RUBCNL: variants seen among roughly 807,000 people sequenced by gnomAD.
RUBCNL encodes rubicon like autophagy enhancer.
RUBCNL carries 62 observed loss-of-function variants against 69.5 expected under a neutral mutation model. That is an observed-to-expected ratio of 0.89 (90% confidence interval 0.73 to 1.10). The LOEUF (loss-of-function observed/expected upper bound fraction) is 1.10. Ranked by LOEUF, RUBCNL falls within the 50% of genes least tolerant of loss-of-function variation. The pLI is 0.00. For missense variants in RUBCNL, 768 were observed against 798.1 expected, an observed-to-expected ratio of 0.96 and a Z score of 0.45; for synonymous variants, 291 against 303.6, an observed-to-expected ratio of 0.96 and a Z score of 0.43.
intron 1 of RUBCNL, among the ~76,000 whole-genome samples, chr13:46,382,174 A>T (rs896595872): frequency 2.0e-5 from 3 of 152,124 alleles, no homozygotes; most frequent in Non-Finnish European, 4.4e-5. Context: ...AGTATTTTTT[A>T]AAAAATAAGA....
rs2048124156 is a variant in RUBCNL at position 46,339,241 on chromosome 13, G to A, written c.*4144C>T. On this transcript the variant is annotated 3_prime_UTR_variant, in exon 15 of 15. Coordinates refer to ENST00000429979, the MANE Select transcript of RUBCNL (RefSeq NM_025113.5). ...TGCTACCTCAGCATTACTCATAAAA[G>A]TATTGTTTTAGTTTCTAGTGAAGTG... 6.6e-6 allele frequency among the ~76,000 whole-genome samples: 1 copy of A among 152,100 alleles called. No individual in the cohort carries two copies. The highest frequency in any genetic ancestry group is 6.5e-5 in the Admixed American group (1 of 15,278).
intron 2 of RUBCNL, among the ~76,000 whole-genome samples, chr13:46,375,233 G>A (rs1029819350): frequency 6.6e-6 from 1 of 152,052 alleles, no homozygotes; most frequent in Non-Finnish European, 1.5e-5. Context: ...TGGAGACAAA[G>A]TTAAGAGCTA....
chr13:46,349,401 A>G, intron 11 of RUBCNL, 54 bp from the exon 12 acceptor site: 2 of 1,490,800 alleles, frequency 1.3e-6, no homozygotes, highest in Non-Finnish European at 1.9e-6. Context: ...ATGACACGGG[A>G]AAAGTGCAAG....
Position 46,372,599 on chromosome 13 carries a change from T to G in RUBCNL, c.-122-2A>C. 1 of 1,446,262 alleles carries G rather than the reference T, an allele frequency of 6.9e-7. No homozygotes were observed. The highest frequency in any genetic ancestry group is 9.1e-7 in the Non-Finnish European group (1 of 1,101,472). 89.6% of individuals were successfully genotyped at this position (1,446,262 alleles called of 1,614,324 possible). ...CAGCTGGGGGTCTGGAGAGCTATTC[T>G]GCAATGAGCAAGGAATCATTCAAAA... is the stretch of plus-strand genomic sequence containing the variant. On this transcript the variant is annotated splice_acceptor_variant, in intron 2 of 14. Transcript: ENST00000429979. LOFTEE classifies it low-confidence loss of function (5UTR_SPLICE).
Position 46,336,085 on chromosome 13 carries a change from A to C in RUBCNL, c.*7300T>G, listed in dbSNP as rs2048103432. ...TGTCTACAGAGGAAGGGGAGAAATC[A>C]CAAATGTCATGATGTTTCCGGGTTC... is the stretch of plus-strand genomic sequence containing the variant. On this transcript the variant is annotated 3_prime_UTR_variant, in exon 15 of 15. Transcript: ENST00000429979. 6.6e-6 allele frequency among the ~76,000 whole-genome samples: 1 copy of C among 152,268 alleles called. No individual in the cohort carries two copies. The highest frequency in any genetic ancestry group is 1.5e-5 in the Non-Finnish European group (1 of 68,044).
rs2048126746 is a variant in RUBCNL, at chr13:46,339,557, T to C, written c.*3828A>G. Among the ~76,000 whole-genome samples, 2 of 152,148 alleles carry C rather than the reference T, an allele frequency of 1.3e-5. No individual in the cohort carries two copies. The highest frequency in any genetic ancestry group is 1.3e-4 in the Admixed American group (2 of 15,280). On this transcript the variant is annotated 3_prime_UTR_variant, in exon 15 of 15. Coordinates refer to ENST00000429979, the MANE Select transcript of RUBCNL (RefSeq NM_025113.5). ...AAGTCTCAGACAAATGACCACACTCTGGGTGGTTTAAAACAACAGGGTCAG... is the reference window on the plus strand; with the variant it reads ...AAGTCTCAGACAAATGACCACACTCCGGGTGGTTTAAAACAACAGGGTCAG...
chr13:46,368,051 C>T lies in RUBCNL; in HGVS notation c.817G>A (p.Gly273Ser). 6.2e-7 allele frequency: 1 copy of T among 1,613,812 alleles called. No individual in the cohort carries two copies. Among genetic ancestry groups the T allele is most frequent in the Non-Finnish European group, 8.5e-7 (1 of 1,179,764 alleles). The change falls in exon 5 of 15, where the codon GGC (glycine) becomes AGC (serine). Residue 273 changes from glycine to serine, a missense_variant. By Grantham distance (56) the Gly-to-Ser change is moderately conservative. Coordinates refer to ENST00000429979, the MANE Select transcript of RUBCNL (RefSeq NM_025113.5). ...ESGSSTSSYS[G>S]YEGCAVLQVS... ...TATTTGCCCAACTTGCCTTCATAGC[C>T]ACTGTATGAAGAAGTAGAAGACCCA... is the stretch of plus-strand genomic sequence containing the variant.
At chr13:46,352,003 T>C (rs1367155775) in intron 10 of RUBCNL, among the ~76,000 whole-genome samples, 1 of 152,070 alleles carries the variant, frequency 6.6e-6, no homozygotes, top group Non-Finnish European at 1.5e-5. Flanking sequence ...AATTTTTGTA[T>C]TTTTAGTAGA....
Position 46,372,249 on chromosome 13 carries a change from C to T in RUBCNL, c.227G>A (p.Ser76Asn). Reference sequence around the variant, plus strand: ...AGCATCTGTCACAAAATGGGTCCCACTGTTCCCTGCTGCTGGCACCTGAGA... The same window carrying T: ...AGCATCTGTCACAAAATGGGTCCCATTGTTCCCTGCTGCTGGCACCTGAGA... ...LQSQVPAAGNSGTHFVTDAAS... is the reference protein window; with the variant it reads ...LQSQVPAAGNNGTHFVTDAAS... The change falls in exon 3 of 15, where the codon AGT becomes AAT. Residue 76 changes from serine to asparagine, a missense_variant. Coordinates refer to ENST00000429979, the MANE Select transcript of RUBCNL (RefSeq NM_025113.5). 1 of 1,614,052 alleles carries T rather than the reference C, an allele frequency of 6.2e-7. No homozygotes were observed. Among genetic ancestry groups the T allele is most frequent in the Admixed American group, 1.7e-5 (1 of 60,022 alleles).
At position 46,349,770 on chromosome 13, in the gene RUBCNL, G is replaced by A. The variant is rs566348940; in HGVS notation, c.1569+343C>T. ...CGGCTTGCTGCAACCTCCACCTCCC[G>A]GGTTCAAGCGATTCTCCTGCCTCAG... On this transcript the variant is annotated intron_variant, in intron 11 of 14. Transcript: ENST00000429979. Among the ~76,000 whole-genome samples, 7 of 151,680 alleles carry A rather than the reference G, an allele frequency of 4.6e-5. No homozygotes were observed. In the East Asian group the frequency reaches 9.7e-4, roughly 21 times the overall value.
In RUBCNL at chr13:46,342,027, T is replaced by A. The variant is rs191394310; in HGVS notation, c.*1358A>T. ...TTGAAGTCTGGTTTTATTTATTCTATGTGCCTCTACACTTCTATAATACTT... is the reference window on the plus strand; with the variant it reads ...TTGAAGTCTGGTTTTATTTATTCTAAGTGCCTCTACACTTCTATAATACTT... On this transcript the variant is annotated 3_prime_UTR_variant, in exon 15 of 15. Transcript: ENST00000429979. 1 of 152,376 alleles carries A rather than the reference T, an allele frequency of 6.6e-6. No individual in the cohort carries two copies. Among genetic ancestry groups the A allele is most frequent in the East Asian group, 1.9e-4 (1 of 5,194 alleles). The allele number at this position is 152,376 out of a possible 1,614,324, so 9.4% of individuals were successfully genotyped here.
chr13:46,388,225 A>AC (rs2049291858), upstream of RUBCNL, among the ~76,000 whole-genome samples: 4 of 142,582 alleles, frequency 2.8e-5, no homozygotes, highest in Non-Finnish European at 4.6e-5. Flanking sequence ...AAAAAACAGA[A>AC]AGGAGAAGAA....
intron 8 of RUBCNL, among the ~76,000 whole-genome samples, chr13:46,361,204 G>A (rs181737095): frequency 6.6e-6 from 1 of 152,264 alleles, no homozygotes; most frequent in East Asian, 1.9e-4. Context: ...CAGCCTGGGT[G>A]ACAGAGCAAG....
upstream of RUBCNL, chr13:46,389,947 T>A (rs976322781): frequency 6.6e-6 from 1 of 151,696 alleles, no homozygotes; most frequent in Non-Finnish European, 1.5e-5. The surrounding 1 kb of genome is among the most constrained non-coding windows in gnomAD (Gnocchi z 4.2). Context: ...CTGGTTTGGG[T>A]TTTTTCATGG....
chr13:46,343,937 C>T (rs1229153040), intron 14 of RUBCNL, among the ~76,000 whole-genome samples: 1 of 152,146 alleles, frequency 6.6e-6, no homozygotes, highest in East Asian at 1.9e-4. Context: ...CCCAATTTGT[C>T]CCCAGTTTGG....
At position 46,387,236 on chromosome 13, in the gene RUBCNL, G is replaced by C; in HGVS notation, c.-341C>G. 4 of 985,282 alleles carry C rather than the reference G, an allele frequency of 4.1e-6. No homozygotes were observed. The South Asian group carries it at 1.9e-4, about 46-fold the overall frequency. 61.0% of individuals were successfully genotyped at this position (985,282 alleles called of 1,614,324 possible). A position where few individuals can be genotyped will look rare whatever the true frequency, so the allele number is the denominator to read the frequency against. On this transcript the variant is annotated 5_prime_UTR_variant, in exon 1 of 15. Transcript: ENST00000429979. ...GCGTTCCGTGGCCACCGCGCTCCCGGTAACAGCAGAAAGGGGAGGGAGGAG... is the reference window on the plus strand; with the variant it reads ...GCGTTCCGTGGCCACCGCGCTCCCGCTAACAGCAGAAAGGGGAGGGAGGAG...
Position 46,372,075 on chromosome 13 carries a change from A to G in RUBCNL, c.401T>C (p.Val134Ala), listed in dbSNP as rs1294048801. 6 of 1,613,798 alleles carry G rather than the reference A, an allele frequency of 3.7e-6. No individual in the cohort carries two copies. Among genetic ancestry groups the G allele is most frequent in the Non-Finnish European group, 5.1e-6 (6 of 1,179,882 alleles). The change falls in exon 3 of 15, where the codon GTA becomes GCA. Residue 134 changes from valine (V) to alanine (A), a missense_variant. Coordinates refer to ENST00000429979, the MANE Select transcript of RUBCNL (RefSeq NM_025113.5). The part of the protein sequence containing the change: ...SSSFSLSSTE[V>A]HMVRPGYSHR... ...AGAGTATCCTGGGCGGACCATGTGT[A>G]CCTCTGTTGAGGACAGAGAGAAGCT...
intron 4 of RUBCNL, 76 bp downstream of exon 4, chr13:46,368,657 T>G: frequency 7.2e-7 from 1 of 1,395,486 alleles, no homozygotes; most frequent in Non-Finnish European, 9.8e-7. Flanking sequence ...AAATTGAAGT[T>G]TCCAGATTTA....
chr13:46,380,652 T>C (rs2049097829), intron 1 of RUBCNL, among the ~76,000 whole-genome samples: 1 of 152,228 alleles, frequency 6.6e-6, no homozygotes, highest in African/African-American at 2.4e-5. Flanking sequence ...CAAAATTTTA[T>C]TATTATTCAT....
Sources: allele counts gnomAD v4.1 joint callset (sites outside exome capture counted in the v4.1 genomes callset), GRCh38; gene constraint gnomAD v4.1.1; non-coding constraint Gnocchi (gnomAD v3.1); transcripts MANE v1.5; gene names NCBI Gene and HGNC (gene_info 2026-07-23, HGNC 2026-07-21).